The following LHFPL3 variants were observed in gnomAD, a reference collection of about 807,000 sequenced individuals.
The protein encoded by LHFPL3 is LHFPL tetraspan subfamily member 3 protein.
Under a neutral mutation model 19.3 loss-of-function variants are expected in LHFPL3, and 5 were observed. The ratio of observed to expected loss-of-function variants is 0.26; its 90% CI spans 0.14 to 0.54. The LOEUF (loss-of-function observed/expected upper bound fraction) is 0.54, where lower values mean the gene tolerates loss of function less well. Ranked by LOEUF, LHFPL3 falls within the 20% of genes least tolerant of loss-of-function variation. The pLI is 0.94. For missense variants in LHFPL3, 249 were observed against 307.4 expected (o/e 0.81, Z 1.42); for synonymous variants, 133 against 126.2 (o/e 1.05, Z -0.36).
intron 1 of LHFPL3, among the ~76,000 whole-genome samples, chr7:104,348,786 C>A (rs1790120808): frequency 6.6e-6 from 1 of 152,156 alleles, no homozygotes; most frequent in Admixed American, 6.5e-5. Flanking sequence ...AAAGACACTG[C>A]AGTATAATTC....
intron 1 of LHFPL3, among the ~76,000 whole-genome samples, chr7:104,498,848 C>T (rs1179699142): frequency 6.6e-6 from 1 of 152,196 alleles, no homozygotes; most frequent in Non-Finnish European, 1.5e-5. Context: ...GCTCTCAGGA[C>T]ACAGATAGGT....
At chr7:104,707,420 A>G (rs963869982) in intron 1 of LHFPL3, among the ~76,000 whole-genome samples, 3 of 152,230 alleles carry the variant, frequency 2.0e-5, no homozygotes, top group Admixed American at 1.3e-4. Context: ...AGGAATTACC[A>G]GGGTGTACTG....
intron 1 of LHFPL3, among the ~76,000 whole-genome samples, chr7:104,683,598 G>GAT (rs59804108): frequency 0.49 from 74,784 of 151,788 alleles, 18,812 homozygotes; most frequent in East Asian, 0.59. Flanking sequence ...ACTCTTCTCT[G>GAT]ATACATAAAG....
At chr7:104,425,496 GTTA>G (rs1359337632) in intron 1 of LHFPL3, among the ~76,000 whole-genome samples, 2 of 151,990 alleles carry the variant, frequency 1.3e-5, no homozygotes, top group African/African-American at 2.4e-5. Flanking sequence ...AATGTTAGAT[GTTA>G]TTATTGCTAT....
At chr7:104,816,869 C>T (rs148295431) in intron 2 of LHFPL3, among the ~76,000 whole-genome samples, 17 of 152,344 alleles carry the variant, frequency 1.1e-4, no homozygotes, top group African/African-American at 4.1e-4. Flanking sequence ...CAAGAAAATG[C>T]ATTTTCCAAG....
intron 1 of LHFPL3, among the ~76,000 whole-genome samples, chr7:104,406,883 C>CT (rs1791426149): frequency 6.6e-6 from 1 of 152,016 alleles, no homozygotes; most frequent in South Asian, 2.1e-4. Flanking sequence ...GCTGCATAGT[C>CT]TATCTTTCTG....
chr7:104,614,874 C>T (rs1163636528), intron 1 of LHFPL3, among the ~76,000 whole-genome samples: 1 of 151,652 alleles, frequency 6.6e-6, no homozygotes, highest in Non-Finnish European at 1.5e-5. Flanking sequence ...CCTCAGCCTC[C>T]CAAGTAGCTG....
rs1471874192 is a variant in LHFPL3 at position 104,399,329 on chromosome 7, C to T, written c.445+70105C>T. ...AGTTTTACTTTCATTGGGTAAGTTA[C>T]GATTAAATGTAACTTTACTATTGCT... On this transcript the variant is annotated intron_variant, in intron 1 of 2. Coordinates refer to ENST00000424859, the MANE Select transcript of LHFPL3 (RefSeq NM_199000.3). The surrounding 1 kb of genome is among the most constrained non-coding windows in gnomAD (Gnocchi z 4.4). Among the ~76,000 whole-genome samples the T allele has an allele frequency of 2.6e-5, 4 of 152,032 alleles. No individual in the cohort carries two copies. The highest frequency in any genetic ancestry group is 4.8e-5 in the African/African-American group (2 of 41,398).
At chr7:104,567,957 G>T (rs1468609689) in intron 1 of LHFPL3, among the ~76,000 whole-genome samples, 1 of 152,040 alleles carries the variant, frequency 6.6e-6, no homozygotes, top group Non-Finnish European at 1.5e-5. Context: ...CAAGTTTCGG[G>T]GCACCAACTA....
intron 2 of LHFPL3, among the ~76,000 whole-genome samples, chr7:104,805,889 T>C (rs1042682387): frequency 1.3e-5 from 2 of 152,236 alleles, no homozygotes; most frequent in Non-Finnish European, 1.5e-5. Flanking sequence ...TCGCTTTGTC[T>C]GAACCCTGGG....
intron 2 of LHFPL3, among the ~76,000 whole-genome samples, chr7:104,792,508 T>C (rs1044089768): frequency 6.6e-6 from 1 of 152,242 alleles, no homozygotes; most frequent in East Asian, 1.9e-4. Flanking sequence ...TATTGGCTCT[T>C]ACAGTTCCTC....
chr7:104,394,459 A>G (rs1483079674), intron 1 of LHFPL3, among the ~76,000 whole-genome samples: 2 of 152,146 alleles, frequency 1.3e-5, no homozygotes, highest in Non-Finnish European at 2.9e-5. Flanking sequence ...CATACTCATA[A>G]AGAGATAAAT....
At chr7:104,840,928 G>C (rs1791190809) in intron 2 of LHFPL3, among the ~76,000 whole-genome samples, 1 of 152,090 alleles carries the variant, frequency 6.6e-6, no homozygotes, top group Admixed American at 6.5e-5. Context: ...AATGTTTCGA[G>C]TATAATAAGT....
chr7:104,752,867 C>T (rs1401469535), intron 2 of LHFPL3: 1 of 363,156 alleles, frequency 2.8e-6, no homozygotes, highest in African/African-American at 2.1e-5. Flanking sequence ...AAGAGAGTTC[C>T]CACATACTCC....
chr7:104,403,725 T>TTCTTTC (rs1791360598), intron 1 of LHFPL3, among the ~76,000 whole-genome samples: 2 of 143,598 alleles, frequency 1.4e-5, no homozygotes, highest in African/African-American at 5.3e-5. Flanking sequence ...TTAGTGAACA[T>TTCTTTC]TCTCTCTCTC....
At chr7:104,798,515 G>A (rs1306781878) in intron 2 of LHFPL3, 2 of 152,168 alleles carry the variant, frequency 1.3e-5, no homozygotes, top group East Asian at 3.8e-4. Context: ...AATGCGTATA[G>A]AACTACACCT....
intron 1 of LHFPL3, among the ~76,000 whole-genome samples, chr7:104,554,681 A>T (rs1249584320): frequency 2.1e-5 from 3 of 144,204 alleles, no homozygotes; most frequent in Non-Finnish European, 4.4e-5. Context: ...ATAGATAGAT[A>T]GATAGATAGA....
chr7:104,735,497 G>A (rs1793794831), intron 1 of LHFPL3, among the ~76,000 whole-genome samples: 1 of 152,204 alleles, frequency 6.6e-6, no homozygotes, highest in Non-Finnish European at 1.5e-5. Flanking sequence ...AGGCTCCGTG[G>A]GCATAGGACC....
chr7:104,661,692 T>A (rs879674089), intron 1 of LHFPL3, among the ~76,000 whole-genome samples: 4 of 152,210 alleles, frequency 2.6e-5, no homozygotes, highest in Non-Finnish European at 5.9e-5. Context: ...AGTACCAAAC[T>A]AGATAGACCA....
Sources: allele counts gnomAD v4.1 joint callset (sites outside exome capture counted in the v4.1 genomes callset), GRCh38; gene constraint gnomAD v4.1.1; non-coding constraint Gnocchi (gnomAD v3.1); transcripts MANE v1.5; gene names NCBI Gene and HGNC (gene_info 2026-07-23, HGNC 2026-07-21).